Variants in SLC6A19 observed in about 807,000 individuals in gnomAD.
SLC6A19 encodes solute carrier family 6 member 19.
SLC6A19 carries 67 observed loss-of-function variants against 68.3 expected under a neutral mutation model. That is an observed-to-expected ratio of 0.98 (90% CI 0.81 to 1.20). SLC6A19 has a LOEUF of 1.20. Ranked by LOEUF, SLC6A19 falls within the 50% of genes most tolerant of loss-of-function variation. SLC6A19 has a pLI of 0.00. For synonymous variants in SLC6A19, 392 were observed against 374.9 expected (o/e 1.05, Z -0.53); for missense variants, 813 against 851.6 (o/e 0.95, Z 0.56).
Position 1,212,136 on chromosome 5 carries a change from A to G in SLC6A19, c.482-167A>G, listed in dbSNP as rs1746056319. ...GCATGTGTGCTGTGTGCGTGCATGCATGTGCGTGCACGTGAGCATGTGTGC... is the reference window on the plus strand; with the variant it reads ...GCATGTGTGCTGTGTGCGTGCATGCGTGTGCGTGCACGTGAGCATGTGTGC... On this transcript the variant is annotated intron_variant, in intron 3 of 11. Transcript: ENST00000304460. The surrounding 1 kb of genome is among the most constrained non-coding windows in gnomAD (Gnocchi z 5.1). 6.6e-6 allele frequency among the ~76,000 whole-genome samples: 1 copy of G among 151,922 alleles called. No homozygotes were observed. Among genetic ancestry groups the G allele is most frequent in the South Asian group, 2.1e-4 (1 of 4,832 alleles).
intron 8 of SLC6A19, among the ~76,000 whole-genome samples, chr5:1,217,811 CG>C (rs1746249973): frequency 6.6e-6 from 1 of 152,248 alleles, no homozygotes; most frequent in Non-Finnish European, 1.5e-5. Flanking sequence ...GCAGCACCCC[CG>C]TCCACGCCCG....
chr5:1,221,464 C>A (rs1746380164), intron 11 of SLC6A19, 151 bp downstream of exon 11: 1 of 1,089,414 alleles, frequency 9.2e-7, no homozygotes, highest in Non-Finnish European at 1.3e-6. Context: ...CCAGCCACCA[C>A]CCCACGCATC....
chr5:1,215,776 G>A lies in SLC6A19; in HGVS notation c.888-782G>A, dbSNP rs1746191089. ...AGGAGTGGAGTTGCTGCGTCATGCTGGCCTCTACATGCAGTCCTTCGAGGA... is the reference window on the plus strand; with the variant it reads ...AGGAGTGGAGTTGCTGCGTCATGCTAGCCTCTACATGCAGTCCTTCGAGGA... On this transcript the variant is annotated intron_variant, in intron 6 of 11. Transcript: ENST00000304460. This position sits in a 1 kb window ranked among gnomAD's most constrained non-coding sequence, Gnocchi z 5.1. Among the ~76,000 whole-genome samples, 2 of 152,196 alleles carry A rather than the reference G, an allele frequency of 1.3e-5. No homozygotes were observed. The highest frequency in any genetic ancestry group is 2.9e-5 in the Non-Finnish European group (2 of 68,044).
At position 1,223,662 on chromosome 5, in the gene SLC6A19, G is replaced by T. The variant is rs1746462105; in HGVS notation, c.*1758G>T. On this transcript the variant is annotated 3_prime_UTR_variant, in exon 12 of 12. Transcript: ENST00000304460. The stretch of plus-strand genomic sequence containing the variant: ...CAGGTCACCTCCGCTTTGCATGGAA[G>T]AATCTGGATGCTTACATTAAACTGG... The T allele has an allele frequency of 6.6e-6, 1 of 151,612 alleles. No homozygotes were observed. The highest frequency in any genetic ancestry group is 2.4e-5 in the African/African-American group (1 of 41,312). 9.4% of individuals were successfully genotyped at this position (151,612 alleles called of 1,614,324 possible).
In SLC6A19 at chr5:1,213,949, G is replaced by A. The variant is rs144753758; in HGVS notation, c.775-4G>A. The A allele has an allele frequency of 4.3e-4, 692 of 1,612,862 alleles. 1 individual carries two copies. The African/African-American group carries it at 4.9e-3, about 11-fold the overall frequency. ...GAGTGGCTGAGGGTCTCCATGTGGC[G>A]CAGGTCACGGAGCTGGCCCAGCCGG... On this transcript the variant is annotated splice_polypyrimidine_tract_variant and splice_region_variant and intron_variant, in intron 5 of 11. Transcript: ENST00000304460.
chr5:1,221,126 T>C, intron 10 of SLC6A19, 25 bp from the exon 11 acceptor site: 1 of 1,610,810 alleles, frequency 6.2e-7, no homozygotes, highest in African/African-American at 1.3e-5. Flanking sequence ...GTAGCAGCAG[T>C]GACAGCTGTC....
intron 1 of SLC6A19, among the ~76,000 whole-genome samples, chr5:1,203,522 C>T (rs1184734800): frequency 6.6e-6 from 1 of 152,174 alleles, no homozygotes; most frequent in East Asian, 1.9e-4. Context: ...GGGTGGACAC[C>T]AGCAGGCCCT....
Position 1,216,667 on chromosome 5 carries a change from T to C in SLC6A19, c.997T>C (p.Tyr333His), listed in dbSNP as rs1579515976. The change falls in exon 7 of 12, where the codon TAC becomes CAC. Residue 333 changes from tyrosine to histidine, a missense_variant. Tyr to His is a moderately conservative substitution (Grantham distance 83). Coordinates refer to ENST00000304460, the MANE Select transcript of SLC6A19 (RefSeq NM_001003841.3). ...SVIGFRATQR[Y>H]DDCFSTNILT... ...CATTGGGTTCCGCGCCACACAGCGC[T>C]ACGACGACTGCTTCAGCACGTGAGT... 6.2e-7 allele frequency: 1 copy of C among 1,613,892 alleles called. No individual in the cohort carries two copies. Among genetic ancestry groups the C allele is most frequent in the Non-Finnish European group, 8.5e-7 (1 of 1,180,032 alleles).
rs545836738 is a variant in SLC6A19, at chr5:1,217,119, C to T, written c.1173+174C>T. On this transcript the variant is annotated intron_variant, in intron 8 of 11. Coordinates refer to ENST00000304460, the MANE Select transcript of SLC6A19 (RefSeq NM_001003841.3). The stretch of plus-strand genomic sequence containing the variant: ...GTCCAGGGCTCTTCGGTCTGGGGCG[C>T]TGGTGTCTGCCAGGCCACGAGATTT... Among the ~76,000 whole-genome samples the T allele has an allele frequency of 8.3e-4, 127 of 152,358 alleles. 1 individual carries two copies. The highest frequency in any genetic ancestry group is 2.5e-3 in the African/African-American group (105 of 41,592).
chr5:1,204,731 G>A (rs907053557), intron 1 of SLC6A19, among the ~76,000 whole-genome samples: 1 of 152,222 alleles, frequency 6.6e-6, no homozygotes, highest in South Asian at 2.1e-4. Context: ...TGGCGTGCGG[G>A]AGCCGGAGGA....
Position 1,219,626 on chromosome 5 carries a change from C to T in SLC6A19, c.1500C>T (p.Cys500=), listed in dbSNP as rs756158809. 2.2e-5 allele frequency: 36 copies of T among 1,609,000 alleles called. 1 individual carries two copies. The highest frequency in any genetic ancestry group is 1.4e-5 in the Non-Finnish European group (17 of 1,180,002). ...GSIPLLIIAF[C]EMFSVVYVYG... ...TTCCCCTGCTCATCATCGCCTTCTG[C>T]GAGATGTTCTCTGTGGTCTACGTGT... The change falls in exon 10 of 12, where the codon TGC becomes TGT. Residue 500 remains cysteine, a synonymous_variant. Coordinates refer to ENST00000304460, the MANE Select transcript of SLC6A19 (RefSeq NM_001003841.3).
In SLC6A19 at chr5:1,207,349, C is replaced by T. The variant is rs561661412; in HGVS notation, c.203-1397C>T. Among the ~76,000 whole-genome samples the T allele has an allele frequency of 1.2e-4, 19 of 152,304 alleles. 1 individual carries two copies. The highest frequency in any genetic ancestry group is 1.9e-4 in the Non-Finnish European group (13 of 68,012). ...CTTGTGGCTGAGCTGGGAGGCCGTA[C>T]GTCCACCCGCAGAGGGAGCGGTCAG... On this transcript the variant is annotated intron_variant, in intron 1 of 11. Coordinates refer to ENST00000304460, the MANE Select transcript of SLC6A19 (RefSeq NM_001003841.3).
At position 1,222,127 on chromosome 5, in the gene SLC6A19, A is replaced by G. The variant is rs1375664837; in HGVS notation, c.*223A>G. On this transcript the variant is annotated 3_prime_UTR_variant, in exon 12 of 12. Transcript: ENST00000304460. ...TGAGTGTGCACGTGTATGCACACAT[A>G]TACATGTGTGTGGGTGTGTGTATTG... is the stretch of plus-strand genomic sequence containing the variant. The G allele has an allele frequency of 4.9e-6, 3 of 610,026 alleles. No homozygotes were observed. The highest frequency in any genetic ancestry group is 3.9e-5 in the South Asian group (2 of 51,778). 37.8% of individuals were successfully genotyped at this position (610,026 alleles called of 1,614,324 possible). A position where few individuals can be genotyped will look rare whatever the true frequency, so the allele number is the denominator to read the frequency against.
chr5:1,217,286 C>T (rs1413714600), intron 8 of SLC6A19, among the ~76,000 whole-genome samples: 1 of 152,240 alleles, frequency 6.6e-6, no homozygotes, highest in South Asian at 2.1e-4. Flanking sequence ...CTTCTATCGA[C>T]ATTGAAAGAG....
chr5:1,201,637 G>A lies in SLC6A19; in HGVS notation c.-14G>A, dbSNP rs778962217. On this transcript the variant is annotated 5_prime_UTR_variant, in exon 1 of 12. Transcript: ENST00000304460. ...TGCCCTGCCTGCTGTGTGCGGAGCC[G>A]TCCAGCGACCACCATGGTGAGGCTC... 2.7e-5 allele frequency: 44 copies of A among 1,601,514 alleles called. No individual in the cohort carries two copies. In the East Asian group the frequency reaches 3.6e-4, roughly 13 times the overall value.
chr5:1,205,135 G>T (rs1484659751), intron 1 of SLC6A19, among the ~76,000 whole-genome samples: 1 of 152,192 alleles, frequency 6.6e-6, no homozygotes, highest in Non-Finnish European at 1.5e-5. Context: ...AGAGAGGCCT[G>T]GTTTCCAGGG....
In SLC6A19 at chr5:1,222,302, C is replaced by G; in HGVS notation, c.*398C>G. ...TGCATGTATATATAGACATACATGC[C>G]TATGTTGTGTGTGGTGTGCATATGT... On this transcript the variant is annotated 3_prime_UTR_variant, in exon 12 of 12. Transcript: ENST00000304460. The G allele has an allele frequency of 1.9e-6, 1 of 538,800 alleles. No homozygotes were observed. The highest frequency in any genetic ancestry group is 3.3e-5 in the Admixed American group (1 of 29,948). 33.4% of individuals were successfully genotyped at this position (538,800 alleles called of 1,614,324 possible). A position where few individuals can be genotyped will look rare whatever the true frequency, so the allele number is the denominator to read the frequency against.
At position 1,223,634 on chromosome 5, in the gene SLC6A19, G is replaced by T. The variant is rs1272524344; in HGVS notation, c.*1730G>T. ...AAACTGGTGTTCTGAGAGTTCCTAC[G>T]GACAGGTCACCTCCGCTTTGCATGG... On this transcript the variant is annotated 3_prime_UTR_variant, in exon 12 of 12. Coordinates refer to ENST00000304460, the MANE Select transcript of SLC6A19 (RefSeq NM_001003841.3). The T allele has an allele frequency of 6.6e-6, 1 of 151,568 alleles. No homozygotes were observed. The highest frequency in any genetic ancestry group is 2.4e-5 in the African/African-American group (1 of 41,378). The allele number at this position is 151,568 out of a possible 1,614,324, so 9.4% of individuals were successfully genotyped here. A position where few individuals can be genotyped will look rare whatever the true frequency, so the allele number is the denominator to read the frequency against.
At chr5:1,210,674 G>C in intron 3 of SLC6A19, 93 bp downstream of exon 3, 2 of 1,571,714 alleles carry the variant, frequency 1.3e-6, no homozygotes, top group Non-Finnish European at 1.7e-6. Context: ...CAGGTCAGGC[G>C]TGGCAGAAAC....
Sources: gnomAD v4.1 joint callset for allele counts (sites outside exome capture counted in the v4.1 genomes callset) on GRCh38, gnomAD v4.1.1 for gene constraint, Gnocchi (gnomAD v3.1) non-coding constraint, MANE v1.5 for transcripts, NCBI Gene and HGNC (gene_info 2026-07-23, HGNC 2026-07-21) for gene names.